HDAC9: variants seen among roughly 807,000 people sequenced by gnomAD.
HDAC9 encodes histone deacetylase 9.
A neutral mutation model predicts 139.4 loss-of-function variants in HDAC9; 41 were observed. That is an observed-to-expected ratio of 0.29 (90% CI 0.23 to 0.38). HDAC9 has a LOEUF of 0.38. Among genes scored for constraint, HDAC9 ranks in the 10% least tolerant of loss-of-function variants. HDAC9 has a pLI of 1.00. For missense variants in HDAC9, 1,147 were observed against 1,297.0 expected, an observed-to-expected ratio of 0.88 and a Z score of 1.78; for synonymous variants, 517 against 476.2, an observed-to-expected ratio of 1.09 and a Z score of -1.12.
intron 2 of HDAC9, among the ~76,000 whole-genome samples, chr7:18,549,451 G>C (rs889835318): frequency 1.2e-4 from 18 of 152,078 alleles, no homozygotes; most frequent in African/African-American, 4.3e-4. Flanking sequence ...GTACATCCAT[G>C]CCATGGAATA....
At chr7:18,200,457 G>A (rs1275922068) in intron 2 of HDAC9, among the ~76,000 whole-genome samples, 1 of 152,116 alleles carries the variant, frequency 6.6e-6, no homozygotes, top group Non-Finnish European at 1.5e-5. Context: ...TGACTTGTGG[G>A]TTCTGTGTCA....
At chr7:18,472,111 G>A (rs183955323) in intron 1 of HDAC9, among the ~76,000 whole-genome samples, 54 of 152,202 alleles carry the variant, frequency 3.5e-4, no homozygotes, top group Non-Finnish European at 6.8e-4. Context: ...TTGGAGCCTT[G>A]CTTTAGCTGC....
intron 3 of HDAC9, among the ~76,000 whole-genome samples, chr7:18,587,022 A>G (rs1829669048): frequency 6.6e-6 from 1 of 152,152 alleles, no homozygotes; most frequent in African/African-American, 2.4e-5. Context: ...ACCATACTTT[A>G]AGATGTAAGG....
intron 2 of HDAC9, among the ~76,000 whole-genome samples, chr7:18,510,030 T>A (rs892130158): frequency 6.6e-6 from 1 of 152,216 alleles, no homozygotes; most frequent in African/African-American, 2.4e-5. Flanking sequence ...TTGGTATTTT[T>A]AAAAAATGAT....
chr7:18,123,118 TC>T (rs1398892175), intron 1 of HDAC9, among the ~76,000 whole-genome samples: 1 of 152,198 alleles, frequency 6.6e-6, no homozygotes, highest in Non-Finnish European at 1.5e-5. Flanking sequence ...AGTAATTCCT[TC>T]CTCCAACAGA....
intron 21 of HDAC9, among the ~76,000 whole-genome samples, chr7:18,856,213 G>A (rs1028530588): frequency 2.0e-5 from 3 of 152,036 alleles, no homozygotes; most frequent in African/African-American, 7.2e-5. Flanking sequence ...AAGAAATTAT[G>A]AGTAACTGAT....
intron 1 of HDAC9, among the ~76,000 whole-genome samples, chr7:18,360,243 G>A (rs1783669696): frequency 1.3e-5 from 2 of 152,106 alleles, no homozygotes; most frequent in African/African-American, 4.8e-5. Flanking sequence ...ACTCATATCT[G>A]CCACCAAGTG....
intron 17 of HDAC9, among the ~76,000 whole-genome samples, chr7:18,821,106 C>A (rs989268706): frequency 2.6e-5 from 4 of 152,162 alleles, no homozygotes; most frequent in Non-Finnish European, 4.4e-5. Flanking sequence ...ACACTGTGTC[C>A]TTACAGGGTA....
At chr7:18,961,965 C>T (rs1783553207) in intron 24 of HDAC9, among the ~76,000 whole-genome samples, 1 of 152,110 alleles carries the variant, frequency 6.6e-6, no homozygotes, top group Non-Finnish European at 1.5e-5. Context: ...CATATTTAGA[C>T]AAAATTTAAG....
intron 1 of HDAC9, among the ~76,000 whole-genome samples, chr7:18,295,169 C>T (rs1241099329): frequency 6.6e-6 from 1 of 152,016 alleles, no homozygotes; most frequent in Non-Finnish European, 1.5e-5. Context: ...GGGCCCAGTA[C>T]TTAACCACTG....
At chr7:18,226,683 G>A (rs547243186) in intron 2 of HDAC9, among the ~76,000 whole-genome samples, 2 of 152,318 alleles carry the variant, frequency 1.3e-5, no homozygotes, top group East Asian at 1.9e-4. Context: ...GGAATAGGGA[G>A]TAGGATTGAG....
intron 12 of HDAC9, among the ~76,000 whole-genome samples, chr7:18,672,960 C>T (rs1313372115): frequency 6.6e-6 from 1 of 151,982 alleles, no homozygotes; most frequent in Non-Finnish European, 1.5e-5. Context: ...ACTTTTGATA[C>T]TGTTACTTTT....
chr7:18,312,622 T>A (rs1799391971), intron 1 of HDAC9, among the ~76,000 whole-genome samples: 1 of 152,146 alleles, frequency 6.6e-6, no homozygotes, highest in Non-Finnish European at 1.5e-5. Context: ...GAGTCCTCTA[T>A]ATGGTCTTTT....
intron 6 of HDAC9, among the ~76,000 whole-genome samples, chr7:18,598,196 G>A (rs543200522): frequency 6.2e-4 from 95 of 152,170 alleles, no homozygotes; most frequent in Non-Finnish European, 1.1e-3. Context: ...TTGCATACAT[G>A]AACATTATAC....
In HDAC9 at chr7:18,300,520, T is replaced by TA. The variant is rs540522943; in HGVS notation, c.-42+10016dup. Among the ~76,000 whole-genome samples the TA allele has an allele frequency of 8.7e-3, 1,253 of 144,178 alleles. 14 individuals are homozygous for TA. The highest frequency in any genetic ancestry group is 0.028 in the South Asian group (127 of 4,598). The allele number at this position is 144,178 out of a possible 152,430, so 94.6% of individuals were successfully genotyped here. ...ATAATGCCTAGTCTCTGCATATAAGTAAAAAAAAAAAGCAGTTTAACAATA... is the reference window on the plus strand; with the variant it reads ...ATAATGCCTAGTCTCTGCATATAAGTAAAAAAAAAAAAGCAGTTTAACAATA... On this transcript the variant is annotated intron_variant, in intron 1 of 3. Coordinates refer to the HDAC9 transcript ENST00000413509.
chr7:18,976,358 G>C (rs1395266461), intron 25 of HDAC9, among the ~76,000 whole-genome samples: 2 of 152,198 alleles, frequency 1.3e-5, no homozygotes, highest in African/African-American at 4.8e-5. Flanking sequence ...CAAAGAGAAA[G>C]AGGAGAGTAG....
At chr7:18,549,588 A>G (rs1330272100) in intron 2 of HDAC9, among the ~76,000 whole-genome samples, 1 of 152,206 alleles carries the variant, frequency 6.6e-6, no homozygotes, top group Admixed American at 6.5e-5. Flanking sequence ...CAATTTATTA[A>G]CATTTTAAGG....
chr7:18,888,769 A>G (rs1454558158), intron 22 of HDAC9, among the ~76,000 whole-genome samples: 1 of 152,242 alleles, frequency 6.6e-6, no homozygotes, highest in African/African-American at 2.4e-5. Context: ...GATAGAAGTG[A>G]AAAAGAAATG....
At chr7:18,748,712 A>G (rs186973263) in intron 13 of HDAC9, among the ~76,000 whole-genome samples, 2 of 152,342 alleles carry the variant, frequency 1.3e-5, no homozygotes, top group Admixed American at 6.5e-5. Flanking sequence ...CAATATGTAT[A>G]TTTTAAAATC....
Sources: allele counts gnomAD v4.1 joint callset (sites outside exome capture counted in the v4.1 genomes callset), GRCh38; gene constraint gnomAD v4.1.1; transcripts MANE v1.5; gene names NCBI Gene and HGNC (gene_info 2026-07-23, HGNC 2026-07-21).